TNFRSF10B: variants seen among roughly 807,000 people sequenced by gnomAD.
TNFRSF10B encodes TNF receptor superfamily member 10b, also known as tumor necrosis factor receptor superfamily member 10B.
Under a neutral mutation model 41.4 loss-of-function variants are expected in TNFRSF10B, and 35 were observed. The ratio of observed to expected loss-of-function variants is 0.85; its 90% CI spans 0.65 to 1.12. The LOEUF is 1.12. Among genes scored for constraint, TNFRSF10B ranks in the 50% most tolerant of loss-of-function variants. The probability of loss-of-function intolerance (pLI) is 0.00; values close to 1 mark genes in which losing one functional copy is unlikely to be tolerated. For missense variants in TNFRSF10B, 584 were observed against 552.7 expected (o/e 1.06, Z -0.57); for synonymous variants, 230 against 215.5 (o/e 1.07, Z -0.59).
rs1271903468 is a variant in TNFRSF10B, at chr8:23,024,210, T to C, written c.987A>G (p.Ala329=). Residue 329 remains alanine (A), a synonymous_variant, in exon 8 of 9, where the codon GCA becomes GCG. Coordinates refer to ENST00000276431, the MANE Select transcript of TNFRSF10B (RefSeq NM_003842.5). ...TACTCTCAGTGGGATCACCTTCATT[T>C]GCTGGAACCAGCAGCCTCCTCCTCT... ...RSQRRRLLVP[A]NEGDPTETLR... is the part of the protein sequence containing the mutation. 12 of 1,614,122 alleles carry C rather than the reference T, an allele frequency of 7.4e-6. No homozygotes were observed. Among genetic ancestry groups the C allele is most frequent in the Non-Finnish European group, 1.0e-5 (12 of 1,180,004 alleles).
chr8:23,022,612 G>T lies in TNFRSF10B; in HGVS notation c.*59C>A. The T allele has an allele frequency of 6.3e-7, 1 of 1,593,636 alleles. No individual in the cohort carries two copies. On this transcript the variant is annotated 3_prime_UTR_variant, in exon 9 of 9. Coordinates refer to ENST00000276431, the MANE Select transcript of TNFRSF10B (RefSeq NM_003842.5). ...TTTCCTACTGACTGGAGTCCAGTTG[G>T]GCTTTTTCCAGAAAAAAGGTAAACC...
At chr8:23,049,528 C>T (rs779382734) in intron 1 of TNFRSF10B, among the ~76,000 whole-genome samples, 1 of 152,070 alleles carries the variant, frequency 6.6e-6, no homozygotes, top group Non-Finnish European at 1.5e-5. Flanking sequence ...TACTGAGGCT[C>T]CAGAGGAAGG....
At chr8:23,059,497 T>C (rs529559871) in intron 1 of TNFRSF10B, among the ~76,000 whole-genome samples, 1 of 139,432 alleles carries the variant, frequency 7.2e-6, no homozygotes, top group Non-Finnish European at 1.6e-5. Flanking sequence ...CTAATGCTTA[T>C]TGTGTGTGTG....
At chr8:23,026,027 G>A (rs1257959678) in intron 7 of TNFRSF10B, among the ~76,000 whole-genome samples, 1 of 152,150 alleles carries the variant, frequency 6.6e-6, no homozygotes, top group Non-Finnish European at 1.5e-5. Flanking sequence ...AATGAGCCAA[G>A]ATGGTGCCAC....
At chr8:23,039,390 G>A (rs1585214218) in intron 2 of TNFRSF10B, among the ~76,000 whole-genome samples, 1 of 151,968 alleles carries the variant, frequency 6.6e-6, no homozygotes, top group African/African-American at 2.4e-5. Flanking sequence ...GTACAGGATA[G>A]GCCAGCAGAG....
At chr8:23,048,618 T>C (rs1203132942) in intron 1 of TNFRSF10B, among the ~76,000 whole-genome samples, 1 of 152,188 alleles carries the variant, frequency 6.6e-6, no homozygotes, top group Non-Finnish European at 1.5e-5. Flanking sequence ...TAACAGCATA[T>C]TGTACATTTC....
chr8:23,021,904 A>G lies in TNFRSF10B; in HGVS notation c.*767T>C, dbSNP rs1811536121. 2.2e-6 allele frequency: 1 copy of G among 453,776 alleles called. No homozygotes were observed. Among genetic ancestry groups the G allele is most frequent in the South Asian group, 1.6e-5 (1 of 64,418 alleles). 28.1% of individuals were successfully genotyped at this position (453,776 alleles called of 1,614,324 possible). ...CTAATCTATTCACATAACTATGTAA[A>G]CAAGTACATTTACTAAAGTTTCTTC... On this transcript the variant is annotated 3_prime_UTR_variant, in exon 9 of 9. Coordinates refer to ENST00000276431, the MANE Select transcript of TNFRSF10B (RefSeq NM_003842.5).
At position 23,058,456 on chromosome 8, in the gene TNFRSF10B, G is replaced by A. The variant is rs1421231611; in HGVS notation, c.144+10295C>T. On this transcript the variant is annotated intron_variant, in intron 1 of 8. Transcript: ENST00000276431. ...TACCTGTATATTTAATGTTAATTGA[G>A]TATGTTTTAGAATCCCATTTTAATT... 2.0e-5 allele frequency among the ~76,000 whole-genome samples: 3 copies of A among 149,330 alleles called. No homozygotes were observed. The East Asian group carries it at 5.9e-4, about 29-fold the overall frequency.
intron 1 of TNFRSF10B, among the ~76,000 whole-genome samples, chr8:23,043,603 C>T (rs1035333640): frequency 2.6e-5 from 4 of 152,186 alleles, no homozygotes; most frequent in African/African-American, 9.7e-5. Flanking sequence ...CTCTCTTTCT[C>T]TCTTTCTCTT....
chr8:23,027,786 G>A lies in TNFRSF10B; in HGVS notation c.749-33C>T, dbSNP rs1219082320. ...AGAAGCAGTCTCCTTAGCAGGAAGG[G>A]AGGGGCCCATGAAGCACCCCCCTCC... On this transcript the variant is annotated intron_variant, in intron 5 of 8. Coordinates refer to ENST00000276431, the MANE Select transcript of TNFRSF10B (RefSeq NM_003842.5). The A allele has an allele frequency of 1.9e-6, 3 of 1,613,864 alleles. No individual in the cohort carries two copies. The South Asian group carries it at 3.3e-5, about 18-fold the overall frequency.
Position 23,020,635 on chromosome 8 carries a change from T to C in TNFRSF10B, c.*2036A>G. On this transcript the variant is annotated 3_prime_UTR_variant, in exon 9 of 9. Coordinates refer to ENST00000276431, the MANE Select transcript of TNFRSF10B (RefSeq NM_003842.5). ...TGAACCCAGGAGGCGGAGGTTGCAC[T>C]GAGCCAAGATCGTACCGTTGCACTC... The C allele has an allele frequency of 4.4e-6, 2 of 453,640 alleles. No individual in the cohort carries two copies. Among genetic ancestry groups the C allele is most frequent in the Non-Finnish European group, 8.8e-6 (2 of 226,450 alleles). 28.1% of individuals were successfully genotyped at this position (453,640 alleles called of 1,614,324 possible).
chr8:23,029,746 G>C, intron 3 of TNFRSF10B, 25 bp from the exon 4 acceptor site: 4 of 1,604,966 alleles, frequency 2.5e-6, no homozygotes, highest in Non-Finnish European at 3.4e-6. Flanking sequence ...TAAGGTTTTG[G>C]GAATGTGTTT....
At chr8:23,030,967 G>T in intron 2 of TNFRSF10B, 95 bp from the exon 3 acceptor site, 1 of 855,344 alleles carries the variant, frequency 1.2e-6, no homozygotes. Context: ...GGGATGTGTG[G>T]AACCAAAAGA....
At chr8:23,036,905 C>T (rs1812046294) in intron 2 of TNFRSF10B, among the ~76,000 whole-genome samples, 1 of 152,146 alleles carries the variant, frequency 6.6e-6, no homozygotes, top group Admixed American at 6.5e-5. Flanking sequence ...GTTCATTTTG[C>T]TTGAGGGAAG....
In TNFRSF10B at chr8:23,022,323, A is replaced by C. The variant is rs895990613; in HGVS notation, c.*348T>G. On this transcript the variant is annotated 3_prime_UTR_variant, in exon 9 of 9. Coordinates refer to ENST00000276431, the MANE Select transcript of TNFRSF10B (RefSeq NM_003842.5). ...GTGAAGTCGGACAACGACTGTGTAG[A>C]TGGATCTTACAATGTAGCCCAAATA... The C allele has an allele frequency of 8.6e-6, 4 of 466,010 alleles. No individual in the cohort carries two copies. Among genetic ancestry groups the C allele is most frequent in the Non-Finnish European group, 1.7e-5 (4 of 235,234 alleles). The allele number at this position is 466,010 out of a possible 1,614,324, so 28.9% of individuals were successfully genotyped here.
chr8:23,041,294 T>G (rs190335050), intron 2 of TNFRSF10B, among the ~76,000 whole-genome samples: 2 of 152,252 alleles, frequency 1.3e-5, no homozygotes, highest in East Asian at 3.9e-4. Flanking sequence ...TGGCCTCAAG[T>G]GATTTGCCCA....
At chr8:23,031,606 G>A (rs1272847966) in intron 2 of TNFRSF10B, among the ~76,000 whole-genome samples, 1 of 151,750 alleles carries the variant, frequency 6.6e-6, no homozygotes, top group Admixed American at 6.6e-5. Flanking sequence ...TGTTGCCTAG[G>A]CTGGTCTCAA....
At chr8:23,031,503 C>G (rs529656095) in intron 2 of TNFRSF10B, among the ~76,000 whole-genome samples, 3 of 152,014 alleles carry the variant, frequency 2.0e-5, no homozygotes, top group African/African-American at 4.8e-5. Context: ...TCCCTCTCCC[C>G]CCGACCCACA....
chr8:23,033,262 A>G (rs1011399000), intron 2 of TNFRSF10B, among the ~76,000 whole-genome samples: 7 of 152,200 alleles, frequency 4.6e-5, no homozygotes, highest in African/African-American at 1.7e-4. Flanking sequence ...ATGACATTAG[A>G]TAATAGCTCA....
Sources: gnomAD v4.1 joint callset for allele counts (sites outside exome capture counted in the v4.1 genomes callset) on GRCh38, gnomAD v4.1.1 for gene constraint, MANE v1.5 for transcripts, NCBI Gene and HGNC (gene_info 2026-07-23, HGNC 2026-07-21) for gene names.